The following TRIM72 variants were observed in gnomAD, a reference collection of about 807,000 sequenced individuals.
TRIM72 encodes tripartite motif-containing protein 72.
In TRIM72, 33 loss-of-function variants were observed where a neutral mutation model predicts 31.6. The ratio of observed to expected loss-of-function variants is 1.04; its 90% CI spans 0.79 to 1.40. The LOEUF (loss-of-function observed/expected upper bound fraction) is 1.40. TRIM72 is among the 40% of genes most tolerant of loss of function. The pLI is 0.00. For synonymous variants in TRIM72, 301 were observed against 314.4 expected (o/e 0.96, Z 0.45); for missense variants, 666 against 682.7 (o/e 0.98, Z 0.27).
chr16:31,214,758 T>C lies in TRIM72; in HGVS notation c.20T>C (p.Leu7Pro), dbSNP rs775366554. The C allele has an allele frequency of 6.3e-7, 1 of 1,576,626 alleles. No individual in the cohort carries two copies. The highest frequency in any genetic ancestry group is 8.5e-7 in the Non-Finnish European group (1 of 1,171,330). Reference protein sequence around the residue: MSAAPGLLHQELSCPLC... With the variant: MSAAPGPLHQELSCPLC... ...CCCGCCATGTCGGCTGCGCCCGGCC[T>C]CCTGCACCAGGAGCTGTCCTGCCCG... The change falls in exon 2 of 7, where the codon CTC becomes CCC. Residue 7 changes from leucine to proline, a missense_variant. By Grantham distance (98) the Leu-to-Pro change is moderately conservative (BLOSUM62 -3). Transcript: ENST00000322122.
rs374969194 is a variant in TRIM72, at chr16:31,219,298, C to A, written c.496C>A (p.Arg166Ser). Residue 166 changes from arginine to serine, a missense_variant, in exon 4 of 7, where the codon CGT (arginine) becomes AGT (serine). By Grantham distance (110) the Arg-to-Ser change is moderately radical. Transcript: ENST00000322122. This position sits in a 1 kb window ranked among gnomAD's most constrained non-coding sequence, Gnocchi z 4.2. ...TGCCCCATCCCTGCAGGAGACAGTG[C>A]GTCAGTTCCGGGGGGCCGTGGGGGA... ...HQLVEVEETV[R>S]QFRGAVGEQL... The A allele has an allele frequency of 8.1e-6, 13 of 1,614,156 alleles. No individual in the cohort carries two copies. Among genetic ancestry groups the A allele is most frequent in the East Asian group, 4.5e-5 (2 of 44,896 alleles).
Position 31,224,854 on chromosome 16 carries a change from G to A in TRIM72, c.*99G>A. 1 of 1,231,230 alleles carries A rather than the reference G, an allele frequency of 8.1e-7. No individual in the cohort carries two copies. The highest frequency in any genetic ancestry group is 1.1e-6 in the Non-Finnish European group (1 of 930,774). The allele number at this position is 1,231,230 out of a possible 1,614,324, so 76.3% of individuals were successfully genotyped here. A position where few individuals can be genotyped will look rare whatever the true frequency, so the allele number is the denominator to read the frequency against. ...AGAAGGGTGGGGAGCGGGTTGCCAGGGCCCAGGGGGCTGGGAACTGGGGGA... is the reference window on the plus strand; with the variant it reads ...AGAAGGGTGGGGAGCGGGTTGCCAGAGCCCAGGGGGCTGGGAACTGGGGGA... On this transcript the variant is annotated 3_prime_UTR_variant, in exon 7 of 7. Coordinates refer to ENST00000322122, the MANE Select transcript of TRIM72 (RefSeq NM_001008274.4).
Position 31,219,064 on chromosome 16 carries a change from C to T in TRIM72, c.391-31C>T. 1 of 1,547,146 alleles carries T rather than the reference C, an allele frequency of 6.5e-7. No individual in the cohort carries two copies. The highest frequency in any genetic ancestry group is 1.2e-5 in the South Asian group (1 of 83,668). On this transcript the variant is annotated intron_variant, in intron 2 of 6. Transcript: ENST00000322122. The surrounding 1 kb of genome is among the most constrained non-coding windows in gnomAD (Gnocchi z 4.2). ...GGTGTGGGTTTTGGGTGGGTGGCAT[C>T]CCCATCACTTCTCCATGCCTCGACC...
intron 1 of TRIM72, 118 bp from the exon 2 acceptor site, chr16:31,214,614 T>C (rs2079497607): frequency 2.5e-6 from 3 of 1,179,996 alleles, no homozygotes; most frequent in Non-Finnish European, 3.3e-6. Context: ...GTGAGGTCTT[T>C]ACAGGCTGGG....
At chr16:31,214,652 GC>G in intron 1 of TRIM72, 79 bp from the exon 2 acceptor site, 3 of 1,363,846 alleles carry the variant, frequency 2.2e-6, no homozygotes, top group Non-Finnish European at 2.8e-6. Flanking sequence ...GGCGGGCCCG[GC>G]CTGGGCTAGG....
At chr16:31,217,700 C>T (rs2079516745) in intron 2 of TRIM72, among the ~76,000 whole-genome samples, 1 of 151,698 alleles carries the variant, frequency 6.6e-6, no homozygotes. Flanking sequence ...CTGCAACCTC[C>T]GCCTCCCTGG....
intron 5 of TRIM72, among the ~76,000 whole-genome samples, chr16:31,221,804 G>A (rs962824627): frequency 4.0e-5 from 6 of 150,838 alleles, no homozygotes; most frequent in Non-Finnish European, 7.4e-5. Flanking sequence ...GGCATTGCGG[G>A]GAGAAGGGTA....
At chr16:31,223,461 G>A (rs932556578) in intron 6 of TRIM72, among the ~76,000 whole-genome samples, 7 of 152,166 alleles carry the variant, frequency 4.6e-5, no homozygotes, top group Admixed American at 2.6e-4. Flanking sequence ...CTGCCTCAGC[G>A]CAGGTGGGAA....
Position 31,222,970 on chromosome 16 carries a change from T to TTG in TRIM72, c.859+32_859+33dup, listed in dbSNP as rs542335966. The TTG allele has an allele frequency of 7.6e-4, 1,196 of 1,567,770 alleles. 2 individuals carry two copies. The highest frequency in any genetic ancestry group is 9.3e-4 in the Non-Finnish European group (1,073 of 1,152,434). ...GGTACCGGGAGGGACTGGCTCAGGT[T>TTG]TGTGTGTGACCAGGCAGTTGATGGG... On this transcript the variant is annotated intron_variant, in intron 6 of 6. Coordinates refer to ENST00000322122, the MANE Select transcript of TRIM72 (RefSeq NM_001008274.4).
At chr16:31,220,816 T>C in intron 4 of TRIM72, 80 bp from the exon 5 acceptor site, 1 of 1,567,788 alleles carries the variant, frequency 6.4e-7, no homozygotes, top group Non-Finnish European at 8.8e-7. Context: ...TCAGCATTCC[T>C]AGTTGTCTAC....
At chr16:31,222,782 T>C in intron 5 of TRIM72, 45 bp from the exon 6 acceptor site, 1 of 547,558 alleles carries the variant, frequency 1.8e-6, no homozygotes, top group East Asian at 4.5e-5. Flanking sequence ...CCAGCCCTTG[T>C]CCTCCCCCCT....
rs2079569058 is a variant in TRIM72, at chr16:31,231,263, A to G, written c.*6508A>G. 1 of 151,942 alleles carries G rather than the reference A, an allele frequency of 6.6e-6. No homozygotes were observed. The highest frequency in any genetic ancestry group is 2.4e-5 in the African/African-American group (1 of 41,352). 9.4% of individuals were successfully genotyped at this position (151,942 alleles called of 1,614,324 possible). ...ATGGTCTCCATCTCCTGACCTCGTG[A>G]TCCGCCCGCCTCGGCCTCCCAAAGT... is the stretch of plus-strand genomic sequence containing the variant. On this transcript the variant is annotated 3_prime_UTR_variant, in exon 7 of 7. Coordinates refer to ENST00000322122, the MANE Select transcript of TRIM72 (RefSeq NM_001008274.4).
At chr16:31,217,050 G>GGGATAATCCTATTTATTA in intron 2 of TRIM72, 1 of 1,600,510 alleles carries the variant, frequency 6.2e-7, no homozygotes, top group East Asian at 2.3e-5. Context: ...GCGCCTCTGA[G>GGGATAATCCTATTTATTA]CCTCCGAGGG....
At position 31,215,176 on chromosome 16, in the gene TRIM72, G is replaced by C. The variant is rs369898792; in HGVS notation, c.390+48G>C. ...GGTCGGAGGGGCTGTTCGGTGGCAC[G>C]GGGCCGATGGGGAGGTCGCTGCAGT... is the stretch of plus-strand genomic sequence containing the variant. On this transcript the variant is annotated intron_variant, in intron 2 of 6. Transcript: ENST00000322122. The surrounding 1 kb of genome is among the most constrained non-coding windows in gnomAD (Gnocchi z 6.3). The C allele has an allele frequency of 3.5e-6, 5 of 1,423,558 alleles. No homozygotes were observed. Among genetic ancestry groups the C allele is most frequent in the South Asian group, 3.1e-5 (2 of 64,398 alleles). The allele number at this position is 1,423,558 out of a possible 1,614,324, so 88.2% of individuals were successfully genotyped here.
At chr16:31,221,357 G>A (rs958710544) in intron 5 of TRIM72, among the ~76,000 whole-genome samples, 1 of 151,226 alleles carries the variant, frequency 6.6e-6, no homozygotes, top group Non-Finnish European at 1.5e-5. Context: ...GAAAAGAAGG[G>A]CATTGCTGGG....
chr16:31,221,818 C>G (rs1445396947), intron 5 of TRIM72, among the ~76,000 whole-genome samples: 1 of 144,678 alleles, frequency 6.9e-6, no homozygotes, highest in African/African-American at 2.6e-5. Context: ...AAGGGTATTG[C>G]TGGGAGAAGA....
intron 4 of TRIM72, among the ~76,000 whole-genome samples, chr16:31,220,487 G>A (rs1364428545): frequency 5.3e-4 from 1 of 1,870 alleles, no homozygotes; most frequent in Non-Finnish European, 2.5e-3. Context: ...TTTTTTTTTT[G>A]AGACAGGGCT....
In TRIM72 at chr16:31,215,221, T is replaced by C; in HGVS notation, c.390+93T>C. On this transcript the variant is annotated intron_variant, in intron 2 of 6. Coordinates refer to ENST00000322122, the MANE Select transcript of TRIM72 (RefSeq NM_001008274.4). The surrounding 1 kb of genome is among the most constrained non-coding windows in gnomAD (Gnocchi z 6.3). ...TGCAGTGATTTGGATTCTGAGTCTCTAGAGAGGCTCACGAGCTCCTGGAGT... is the reference window on the plus strand; with the variant it reads ...TGCAGTGATTTGGATTCTGAGTCTCCAGAGAGGCTCACGAGCTCCTGGAGT... 2 of 1,353,770 alleles carry C rather than the reference T, an allele frequency of 1.5e-6. No homozygotes were observed. The highest frequency in any genetic ancestry group is 1.9e-6 in the Non-Finnish European group (2 of 1,055,714). 83.9% of individuals were successfully genotyped at this position (1,353,770 alleles called of 1,614,324 possible). A position where few individuals can be genotyped will look rare whatever the true frequency, so the allele number is the denominator to read the frequency against.
In TRIM72 at chr16:31,224,163, C is replaced by T. The variant is rs1596943257; in HGVS notation, c.860-18C>T. The T allele has an allele frequency of 6.3e-7, 1 of 1,599,014 alleles. No homozygotes were observed. Among genetic ancestry groups the T allele is most frequent in the Non-Finnish European group, 8.5e-7 (1 of 1,179,182 alleles). ...GAGGCAGAAACCTAGGGTTTTCTGA[C>T]CGTGTTCTCTCTGGCAGCGCTGGAG... On this transcript the variant is annotated intron_variant, in intron 6 of 6. Transcript: ENST00000322122.
Sources: allele counts gnomAD v4.1 joint callset (sites outside exome capture counted in the v4.1 genomes callset), GRCh38; gene constraint gnomAD v4.1.1; non-coding constraint Gnocchi (gnomAD v3.1); transcripts MANE v1.5; gene names NCBI Gene and HGNC (gene_info 2026-07-23, HGNC 2026-07-21).